Variants in TRIM5 observed in about 807,000 individuals in gnomAD.
TRIM5 encodes the protein tripartite motif containing 5, also known as tripartite motif-containing protein 5.
Under a neutral mutation model 35.6 loss-of-function variants are expected in TRIM5, and 31 were observed. The ratio of observed to expected loss-of-function variants is 0.87; its 90% confidence interval spans 0.65 to 1.18. TRIM5 has a LOEUF of 1.18. Among genes scored for constraint, TRIM5 ranks in the 50% most tolerant of loss-of-function variants. The pLI is 0.00. For synonymous variants in TRIM5, 243 were observed against 215.6 expected, an observed-to-expected ratio of 1.13 and a Z score of -1.11; for missense variants, 609 against 591.6, an observed-to-expected ratio of 1.03 and a Z score of -0.31.
At chr11:5,594,256 A>C in the TRIM5 span, among the ~76,000 whole-genome samples, 137 of 152,296 alleles carry the variant, frequency 9.0e-4, 1 homozygote, top group Admixed American at 5.4e-3. Flanking sequence ...TTGGTTAGCA[A>C]ACAAAAAGGA....
At chr11:5,629,615 C>G in the TRIM5 span, among the ~76,000 whole-genome samples, 1 of 152,236 alleles carries the variant, frequency 6.6e-6, no homozygotes, top group Non-Finnish European at 1.5e-5. Flanking sequence ...GCCATTTGCA[C>G]TCATGCAGCT....
At chr11:5,662,887 T>C (rs1446962317), downstream of TRIM5, among the ~76,000 whole-genome samples, 1 of 152,118 alleles carries the variant, frequency 6.6e-6, no homozygotes, top group Non-Finnish European at 1.5e-5. Context: ...CCTAGCACTT[T>C]GGGAGGTAAA....
the TRIM5 span, among the ~76,000 whole-genome samples, chr11:5,600,954 A>C: frequency 0.63 from 95,171 of 151,956 alleles, 29,943 homozygotes; most frequent in Middle Eastern, 0.8. Flanking sequence ...TTTTCTAAAG[A>C]GTATTCTCAG....
At position 5,666,014 on chromosome 11, in the gene TRIM5, G is replaced by C; in HGVS notation, c.835C>G (p.Pro279Ala). 6.2e-7 allele frequency: 1 copy of C among 1,613,240 alleles called. No individual in the cohort carries two copies. The highest frequency in any genetic ancestry group is 8.5e-7 in the Non-Finnish European group (1 of 1,179,890). Residue 279 changes from proline to alanine, a missense_variant, in exon 6 of 8, where the codon CCT becomes GCT. By Grantham distance (27) the Pro-to-Ala change is conservative. Coordinates refer to ENST00000380034, the MANE Select transcript of TRIM5 (RefSeq NM_033034.3). ...ACTTCTAGCATTCCTTTCAGATCAG[G>C]AGCTCGAAACACTCTCCTTTGATTT... ...PKNQRRVFRA[P>A]DLKGMLEVFR...
At chr11:5,637,820 C>T in the TRIM5 span, among the ~76,000 whole-genome samples, 17 of 152,156 alleles carry the variant, frequency 1.1e-4, no homozygotes, top group Non-Finnish European at 2.4e-4. Flanking sequence ...ATTCTAAGTA[C>T]CTCATGTAAG....
chr11:5,621,792 T>G, the TRIM5 span, among the ~76,000 whole-genome samples: 1 of 152,160 alleles, frequency 6.6e-6, no homozygotes, highest in Non-Finnish European at 1.5e-5. Flanking sequence ...CTCAAAAGAA[T>G]GCAACAGGTT....
chr11:5,595,925 C>G, the TRIM5 span, among the ~76,000 whole-genome samples: 1 of 152,090 alleles, frequency 6.6e-6, no homozygotes, highest in Admixed American at 6.6e-5. Flanking sequence ...TCGTTATCCG[C>G]CCGCCTCGGC....
the TRIM5 span, among the ~76,000 whole-genome samples, chr11:5,594,452 G>T: frequency 6.6e-6 from 1 of 152,064 alleles, no homozygotes; most frequent in South Asian, 2.1e-4. Context: ...TGGGACTACA[G>T]GCACGTACCG....
chr11:5,628,005 A>G, the TRIM5 span, among the ~76,000 whole-genome samples: 2 of 152,216 alleles, frequency 1.3e-5, no homozygotes, highest in African/African-American at 4.8e-5. Context: ...TAACCAGGTA[A>G]CCTGGGAGTT....
the TRIM5 span, among the ~76,000 whole-genome samples, chr11:5,613,646 ATAAG>A: frequency 3.9e-5 from 6 of 152,208 alleles, no homozygotes; most frequent in African/African-American, 7.2e-5. Context: ...TTCCCATATA[ATAAG>A]TAAGTTCTAG....
the TRIM5 span, among the ~76,000 whole-genome samples, chr11:5,621,833 C>T: frequency 6.6e-6 from 1 of 152,214 alleles, no homozygotes; most frequent in East Asian, 1.9e-4. Flanking sequence ...CTGGAAGCCC[C>T]CTCCCTGCTT....
At chr11:5,645,398 A>G in the TRIM5 span, among the ~76,000 whole-genome samples, 1 of 151,566 alleles carries the variant, frequency 6.6e-6, no homozygotes, top group East Asian at 1.9e-4. Context: ...GTCTCAAAAA[A>G]AAAAAAAAAA....
In TRIM5 at chr11:5,665,844, T is replaced by C. The variant is rs1457873860; in HGVS notation, c.868+137A>G. On this transcript the variant is annotated intron_variant, in intron 6 of 7. Coordinates refer to ENST00000380034, the MANE Select transcript of TRIM5 (RefSeq NM_033034.3). Reference sequence around the variant, plus strand: ...CCACCTAGCCATTTCCCATTAAATATAATCCCATCAGCAGCAGACAATATC... The same window carrying C: ...CCACCTAGCCATTTCCCATTAAATACAATCCCATCAGCAGCAGACAATATC... 1.7e-5 allele frequency: 22 copies of C among 1,324,650 alleles called. 2 individuals carry two copies. The South Asian group carries it at 3.6e-4, about 21-fold the overall frequency. The allele number at this position is 1,324,650 out of a possible 1,614,324, so 82.1% of individuals were successfully genotyped here.
the TRIM5 span, among the ~76,000 whole-genome samples, chr11:5,636,256 G>C: frequency 6.6e-6 from 1 of 152,112 alleles, no homozygotes; most frequent in Non-Finnish European, 1.5e-5. Context: ...CATTATAATT[G>C]AAAGAAGGCA....
At chr11:5,611,485 G>A in the TRIM5 span, 14 of 762,338 alleles carry the variant, frequency 1.8e-5, no homozygotes, top group South Asian at 7.4e-5. Context: ...ATGGAATCTC[G>A]CTCTGTCGCC....
At chr11:5,662,489 C>T (rs992179638), downstream of TRIM5, among the ~76,000 whole-genome samples, 10 of 152,158 alleles carry the variant, frequency 6.6e-5, no homozygotes, top group African/African-American at 1.4e-4. Flanking sequence ...ATTCACTTAT[C>T]GATACCATTG....
At chr11:5,628,840 G>A in the TRIM5 span, among the ~76,000 whole-genome samples, 7 of 151,026 alleles carry the variant, frequency 4.6e-5, no homozygotes, top group South Asian at 1.3e-3. Flanking sequence ...TGTGAAAATC[G>A]GTTCTATTCC....
chr11:5,655,868 T>A, the TRIM5 span, among the ~76,000 whole-genome samples: 1 of 152,198 alleles, frequency 6.6e-6, no homozygotes, highest in Non-Finnish European at 1.5e-5. Context: ...TCTACAACCA[T>A]CTGATCTTTG....
At chr11:5,632,733 G>A in the TRIM5 span, 1,955 of 1,606,672 alleles carry the variant, frequency 1.2e-3, 20 homozygotes, top group African/African-American at 0.022. Flanking sequence ...TCCTCACGGA[G>A]GAAGTATTCA....
Sources: gnomAD v4.1 joint callset for allele counts (sites outside exome capture counted in the v4.1 genomes callset) on GRCh38, gnomAD v4.1.1 for gene constraint, MANE v1.5 for transcripts, NCBI Gene and HGNC (gene_info 2026-07-23, HGNC 2026-07-21) for gene names.